The following GAB2 variants were observed in gnomAD, a reference collection of about 807,000 sequenced individuals.
GAB2 encodes the protein GRB2-associated-binding protein 2.
Under a neutral mutation model 65.5 loss-of-function variants are expected in GAB2, and 26 were observed. The observed-to-expected ratio is 0.40, with a 90% CI of 0.29 to 0.55. The LOEUF is 0.55. Among genes scored for constraint, GAB2 ranks in the 20% least tolerant of loss-of-function variants. The pLI is 0.53. For missense variants in GAB2, 884 were observed against 875.8 expected (o/e 1.01, Z -0.12); for synonymous variants, 321 against 329.6 (o/e 0.97, Z 0.28).
At chr11:78,346,418 C>T (rs1007241061) in intron 1 of GAB2, among the ~76,000 whole-genome samples, 8 of 151,770 alleles carry the variant, frequency 5.3e-5, no homozygotes, top group African/African-American at 1.9e-4. Flanking sequence ...AGTAACAAAC[C>T]CATAAAGTAC....
chr11:78,389,613 T>G (rs2135061948), intron 1 of GAB2, among the ~76,000 whole-genome samples: 1 of 152,336 alleles, frequency 6.6e-6, no homozygotes, highest in East Asian at 1.9e-4. Flanking sequence ...GGCCGTGGTT[T>G]TCTTTTCAGG....
At chr11:78,245,950 C>CT (rs59178035) in intron 3 of GAB2, among the ~76,000 whole-genome samples, 22,657 of 145,136 alleles carry the variant, frequency 0.16, 2,213 homozygotes, top group East Asian at 0.4. Flanking sequence ...TTCTTTTTTT[C>CT]TTTTTTTTTT....
rs150374234 is a variant in GAB2, at chr11:78,235,955, C to T, written c.621-8904G>A. ...CTGGTACCAATTAACTGTATTAGTC[C>T]ATTTTCATGCTGCTGATAAAGACAT... On this transcript the variant is annotated intron_variant, in intron 3 of 9. Transcript: ENST00000361507. Among the ~76,000 whole-genome samples, 42 of 152,294 alleles carry T rather than the reference C, an allele frequency of 2.8e-4. 1 individual carries two copies. In the East Asian group the frequency reaches 8.1e-3, roughly 29 times the overall value.
At chr11:78,364,157 T>C (rs933858630) in intron 1 of GAB2, 12 of 152,164 alleles carry the variant, frequency 7.9e-5, no homozygotes, top group African/African-American at 2.9e-4. Context: ...TGTGATTTGC[T>C]TGAAGTCAAA....
intron 1 of GAB2, among the ~76,000 whole-genome samples, chr11:78,328,695 C>A (rs749035794): frequency 3.0e-5 from 4 of 134,514 alleles, no homozygotes; most frequent in Non-Finnish European, 4.6e-5. Flanking sequence ...CTGTATGATT[C>A]TGTTTCTATG....
chr11:78,330,881 T>C (rs1298703027), intron 1 of GAB2, among the ~76,000 whole-genome samples: 1 of 152,088 alleles, frequency 6.6e-6, no homozygotes, highest in Non-Finnish European at 1.5e-5. Context: ...CAGTTATTAA[T>C]AGTAGAACCA....
chr11:78,297,031 G>GATA (rs1866849288), intron 1 of GAB2, among the ~76,000 whole-genome samples: 1 of 152,170 alleles, frequency 6.6e-6, no homozygotes, highest in South Asian at 2.1e-4. Context: ...ACACATCAGG[G>GATA]ATAAGATTTC....
chr11:78,226,541 T>C lies in GAB2; in HGVS notation c.1131A>G (p.Glu377=). ...TGGTGGCAGCGACAGATCTGCTATT[T>C]TCACTGATTGGCGGTCTCTGCTGAG... ...GSPQQRPPIS[E]NSRSVAATIP... Residue 377 remains glutamate (E), a synonymous_variant, in exon 4 of 10, where the codon GAA becomes GAG. Transcript: ENST00000361507. The C allele has an allele frequency of 6.2e-7, 1 of 1,609,622 alleles. No individual in the cohort carries two copies. The highest frequency in any genetic ancestry group is 8.5e-7 in the Non-Finnish European group (1 of 1,177,998).
Position 78,254,173 on chromosome 11 carries a change from G to A in GAB2, c.377-3773C>T, listed in dbSNP as rs548748825. Among the ~76,000 whole-genome samples, 179 of 152,222 alleles carry A rather than the reference G, an allele frequency of 1.2e-3. 1 individual carries two copies. The highest frequency in any genetic ancestry group is 4.1e-3 in the African/African-American group (169 of 41,528). On this transcript the variant is annotated intron_variant, in intron 2 of 9. Coordinates refer to ENST00000361507, the MANE Select transcript of GAB2 (RefSeq NM_080491.3). ...GGGCAGCTATAAGGATGAAAAGAATGAAATACACATAAGGTCTAGAAAATC... is the reference window on the plus strand; with the variant it reads ...GGGCAGCTATAAGGATGAAAAGAATAAAATACACATAAGGTCTAGAAAATC...
At chr11:78,281,869 C>T (rs1866345117) in intron 1 of GAB2, among the ~76,000 whole-genome samples, 1 of 152,190 alleles carries the variant, frequency 6.6e-6, no homozygotes, top group Admixed American at 6.5e-5. Flanking sequence ...ATCAGTTTAT[C>T]CATGGGGACC....
chr11:78,327,910 T>C (rs1390125485), intron 1 of GAB2, among the ~76,000 whole-genome samples: 1 of 152,200 alleles, frequency 6.6e-6, no homozygotes, highest in East Asian at 1.9e-4. Context: ...AAGACCTCTA[T>C]AAACTGGCAA....
At chr11:78,278,068 CTT>C (rs538485770) in intron 2 of GAB2, among the ~76,000 whole-genome samples, 38 of 133,742 alleles carry the variant, frequency 2.8e-4, no homozygotes, top group East Asian at 4.3e-4. Context: ...TCTTCCCCTG[CTT>C]TTTTTTTTTT....
intron 4 of GAB2, 46 bp downstream of exon 4, chr11:78,226,419 T>G (rs770879997): frequency 2.8e-6 from 4 of 1,442,368 alleles, no homozygotes; most frequent in Non-Finnish European, 3.9e-6. Context: ...AGAACCCCTG[T>G]GTTACCTCCT....
rs200800770 is a variant in GAB2, at chr11:78,240,807, C to T, written c.620+9350G>A. Among the ~76,000 whole-genome samples, 18 of 152,280 alleles carry T rather than the reference C, an allele frequency of 1.2e-4. No homozygotes were observed. The East Asian group carries it at 2.9e-3, about 24-fold the overall frequency. On this transcript the variant is annotated intron_variant, in intron 3 of 9. Coordinates refer to ENST00000361507, the MANE Select transcript of GAB2 (RefSeq NM_080491.3). ...CCAGGGGTAGAATCACAGCTGGCCC[C>T]TGACCTGAGCTGATAGAGGGTTCAA...
intron 1 of GAB2, among the ~76,000 whole-genome samples, chr11:78,390,446 G>C (rs1366520375): frequency 6.6e-6 from 1 of 152,182 alleles, no homozygotes; most frequent in Middle Eastern, 3.2e-3. Flanking sequence ...AAAATTAGCT[G>C]AGTATGGTGG....
At chr11:78,224,366 A>G (rs1864559468) in intron 5 of GAB2, among the ~76,000 whole-genome samples, 1 of 152,074 alleles carries the variant, frequency 6.6e-6, no homozygotes, top group Admixed American at 6.6e-5. Context: ...GATCAGAACA[A>G]GGAGCATATT....
At position 78,287,666 on chromosome 11, in the gene GAB2, T is replaced by TG. The variant is rs1554983713; in HGVS notation, c.76-6766dup. ...CTCTTATCATTTTTTTTTTTTTTTT[T>TG]GAGACAGAGTCTTACTCTGTTGCTC... On this transcript the variant is annotated intron_variant, in intron 1 of 9. Transcript: ENST00000361507. Among the ~76,000 whole-genome samples, 1,099 of 150,984 alleles carry TG rather than the reference T, an allele frequency of 7.3e-3. 19 individuals carry two copies. The highest frequency in any genetic ancestry group is 0.026 in the African/African-American group (1,062 of 40,786).
chr11:78,230,011 C>T (rs952427986), intron 3 of GAB2, among the ~76,000 whole-genome samples: 4 of 152,202 alleles, frequency 2.6e-5, no homozygotes, highest in Non-Finnish European at 4.4e-5. Context: ...CTATATTAGG[C>T]ACCATTACTA....
At chr11:78,324,013 G>T (rs1413734520) in intron 1 of GAB2, among the ~76,000 whole-genome samples, 1 of 151,944 alleles carries the variant, frequency 6.6e-6, no homozygotes, top group Non-Finnish European at 1.5e-5. Context: ...GGCCAGGCTG[G>T]TCTCAAACTA....
Sources: gnomAD v4.1 joint callset for allele counts (sites outside exome capture counted in the v4.1 genomes callset) on GRCh38, gnomAD v4.1.1 for gene constraint, MANE v1.5 for transcripts, NCBI Gene and HGNC (gene_info 2026-07-23, HGNC 2026-07-21) for gene names.